Variants in ZNF423 observed in about 807,000 individuals in gnomAD.
ZNF423 encodes the protein zinc finger protein 423.
A neutral mutation model predicts 95.8 loss-of-function variants in ZNF423; 12 were observed. The observed-to-expected ratio is 0.13, with a 90% CI of 0.08 to 0.20. The LOEUF (loss-of-function observed/expected upper bound fraction) is 0.20. Ranked by LOEUF, ZNF423 falls within the 10% of genes least tolerant of loss-of-function variation. ZNF423 has a pLI of 1.00. For synonymous variants in ZNF423, 749 were observed against 711.9 expected (o/e 1.05, Z -0.83); for missense variants, 1,316 against 1,737.1 (o/e 0.76, Z 4.31).
chr16:49,676,907 A>T (rs1175781353), intron 3 of ZNF423, among the ~76,000 whole-genome samples: 1 of 152,156 alleles, frequency 6.6e-6, no homozygotes, highest in Non-Finnish European at 1.5e-5. Context: ...TCAGCATCAC[A>T]TGAGAGCTTT....
In ZNF423 at chr16:49,636,304, G is replaced by T; in HGVS notation, c.2872C>A (p.Gln958Lys). Residue 958 changes from glutamine to lysine, a missense_variant, in exon 4 of 8, where the codon CAG becomes AAG. Gln to Lys is a moderately conservative substitution (Grantham distance 53, BLOSUM62 1). This residue lies in a region of ZNF423 where 620 missense variants were observed against 775.6 expected (regional missense o/e 0.80). Coordinates refer to ENST00000563137, the MANE Select transcript of ZNF423 (RefSeq NM_001379286.1). This position sits in a 1 kb window ranked among gnomAD's most constrained non-coding sequence, Gnocchi z 8.6. ...FSENGLREHL[Q>K]THRGPAKHYM... The stretch of plus-strand genomic sequence containing the variant: ...TGCTTGGCAGGGCCCCGGTGCGTCT[G>T]CAGGTGCTCCCGTAGCCCGTTCTCC... The T allele has an allele frequency of 6.2e-7, 1 of 1,612,698 alleles. No individual in the cohort carries two copies.
At chr16:49,643,811 A>T (rs1265085585) in intron 3 of ZNF423, among the ~76,000 whole-genome samples, 1 of 152,134 alleles carries the variant, frequency 6.6e-6, no homozygotes, top group African/African-American at 2.4e-5. Flanking sequence ...GAAAGAAAAC[A>T]AGCATAAAAG....
Position 49,637,342 on chromosome 16 carries a change from T to G in ZNF423, c.1834A>C (p.Ser612Arg). The G allele has an allele frequency of 6.2e-7, 1 of 1,614,210 alleles. No homozygotes were observed. Among genetic ancestry groups the G allele is most frequent in the Non-Finnish European group, 8.5e-7 (1 of 1,180,044 alleles). Reference sequence around the variant, plus strand: ...ACCTCCACATCGGACGAGACTGGGCTCTGCTCGGCCTTGGACTTCTTGCTG... The same window carrying G: ...ACCTCCACATCGGACGAGACTGGGCGCTGCTCGGCCTTGGACTTCTTGCTG... ...AHSKKSKAEQSPVSSDVEVSS... is the reference protein window; with the variant it reads ...AHSKKSKAEQRPVSSDVEVSS... Residue 612 changes from serine (S) to arginine (R), a missense_variant, in exon 4 of 8, where the codon AGC becomes CGC. Physicochemically the swap from Ser to Arg is moderately radical, Grantham distance 110. Transcript: ENST00000563137. This position sits in a 1 kb window ranked among gnomAD's most constrained non-coding sequence, Gnocchi z 5.6.
chr16:49,602,420 G>A (rs1212104210), intron 5 of ZNF423, among the ~76,000 whole-genome samples: 3 of 152,224 alleles, frequency 2.0e-5, no homozygotes, highest in Non-Finnish European at 4.4e-5. Flanking sequence ...CTGAGGGTGG[G>A]GGTGAAGGTC....
intron 3 of ZNF423, among the ~76,000 whole-genome samples, chr16:49,659,691 C>G (rs999716979): frequency 6.6e-6 from 1 of 152,226 alleles, no homozygotes; most frequent in African/African-American, 2.4e-5. Context: ...CGATCAGTCA[C>G]CCCAGATCCT....
At chr16:49,518,471 C>A (rs7202029) in intron 7 of ZNF423, 94,960 of 434,304 alleles carry the variant, frequency 0.22, 11,381 homozygotes, top group African/African-American at 0.39. Flanking sequence ...TAACTGTGCG[C>A]ACTGTCTGTC....
chr16:49,640,571 G>A (rs1347322307), intron 3 of ZNF423, among the ~76,000 whole-genome samples: 1 of 152,144 alleles, frequency 6.6e-6, no homozygotes, highest in Non-Finnish European at 1.5e-5. Context: ...GGCTGAGCCT[G>A]GTCCTAGGCC....
At chr16:49,664,680 G>T (rs2030447762) in intron 3 of ZNF423, among the ~76,000 whole-genome samples, 2 of 150,182 alleles carry the variant, frequency 1.3e-5, no homozygotes, top group South Asian at 4.3e-4. Context: ...GGGTGGGTGG[G>T]GAGCTGTCTG....
intron 1 of ZNF423, among the ~76,000 whole-genome samples, chr16:49,808,505 C>A (rs1227706483): frequency 1.3e-5 from 2 of 152,180 alleles, no homozygotes; most frequent in Non-Finnish European, 2.9e-5. Flanking sequence ...TGCAATGTCC[C>A]ATTTTGGGGA....
intron 2 of ZNF423, among the ~76,000 whole-genome samples, chr16:49,738,246 A>G (rs2033335225): frequency 6.6e-6 from 1 of 152,240 alleles, no homozygotes; most frequent in African/African-American, 2.4e-5. Context: ...CTGGCACAGA[A>G]AAGATGCTTA....
At chr16:49,560,494 T>C (rs973742574) in intron 5 of ZNF423, among the ~76,000 whole-genome samples, 2 of 152,178 alleles carry the variant, frequency 1.3e-5, no homozygotes, top group African/African-American at 2.4e-5. Flanking sequence ...CTATATTCCC[T>C]TCCCTCTCGC....
At chr16:49,841,566 T>G (rs1302015310) in intron 1 of ZNF423, among the ~76,000 whole-genome samples, 1 of 152,138 alleles carries the variant, frequency 6.6e-6, no homozygotes, top group African/African-American at 2.4e-5. Flanking sequence ...ATTCCATCCC[T>G]CAGGGACCAA....
intron 3 of ZNF423, among the ~76,000 whole-genome samples, chr16:49,699,428 G>A (rs570683175): frequency 2.2e-4 from 34 of 152,342 alleles, no homozygotes; most frequent in African/African-American, 7.2e-4. Context: ...CTCCACGGAA[G>A]CTTTCTGGCC....
chr16:49,707,160 G>T (rs2032379893), intron 3 of ZNF423, among the ~76,000 whole-genome samples: 1 of 151,732 alleles, frequency 6.6e-6, no homozygotes, highest in Non-Finnish European at 1.5e-5. Flanking sequence ...TACCCCCGGG[G>T]TCCCTGCCGG....
At chr16:49,550,199 A>C (rs1399303041) in intron 5 of ZNF423, among the ~76,000 whole-genome samples, 1 of 152,188 alleles carries the variant, frequency 6.6e-6, no homozygotes, top group Non-Finnish European at 1.5e-5. Context: ...CCACAGAAAG[A>C]AGCATATACA....
intron 5 of ZNF423, among the ~76,000 whole-genome samples, chr16:49,575,911 A>C (rs1239873527): frequency 2.0e-5 from 3 of 152,240 alleles, no homozygotes; most frequent in African/African-American, 7.2e-5. Flanking sequence ...GGGTGGTTAG[A>C]TCAGAGACTG....
At chr16:49,671,692 AT>A (rs1057357524) in intron 3 of ZNF423, among the ~76,000 whole-genome samples, 9 of 151,150 alleles carry the variant, frequency 6.0e-5, no homozygotes, top group African/African-American at 1.5e-4. Flanking sequence ...TTTATTTATT[AT>A]TTTTTTTTGA....
At chr16:49,710,778 G>A (rs2143125409) in intron 3 of ZNF423, among the ~76,000 whole-genome samples, 2 of 152,304 alleles carry the variant, frequency 1.3e-5, no homozygotes, top group South Asian at 4.1e-4. Flanking sequence ...ACGTGGCAAT[G>A]CTAAGGAACA....
chr16:49,806,999 C>A (rs985234299), intron 1 of ZNF423, among the ~76,000 whole-genome samples: 1 of 150,682 alleles, frequency 6.6e-6, no homozygotes, highest in African/African-American at 2.4e-5. Flanking sequence ...TGCACTCCAG[C>A]CTGGAGGACA....
Sources: gnomAD v4.1 joint callset for allele counts (sites outside exome capture counted in the v4.1 genomes callset) on GRCh38, gnomAD v4.1.1 for gene constraint, gnomAD v4.1.1 regional missense constraint, Gnocchi (gnomAD v3.1) non-coding constraint, MANE v1.5 for transcripts, NCBI Gene and HGNC (gene_info 2026-07-23, HGNC 2026-07-21) for gene names.